Variants in BMPER observed in about 807,000 individuals in gnomAD.
BMPER encodes the protein BMP-binding endothelial regulator protein.
Under a neutral mutation model 87.3 loss-of-function variants are expected in BMPER, and 45 were observed. The ratio of observed to expected loss-of-function variants is 0.52; its 90% confidence interval spans 0.41 to 0.66. The LOEUF is 0.66. Among genes scored for constraint, BMPER ranks in the 30% least tolerant of loss-of-function variants. The pLI is 0.00. For synonymous variants in BMPER, 326 were observed against 316.2 expected, an observed-to-expected ratio of 1.03 and a Z score of -0.33; for missense variants, 784 against 867.5, an observed-to-expected ratio of 0.90 and a Z score of 1.21.
At chr7:33,994,301 G>C (rs529624105) in intron 6 of BMPER, among the ~76,000 whole-genome samples, 6 of 152,232 alleles carry the variant, frequency 3.9e-5, no homozygotes, top group African/African-American at 1.4e-4. Flanking sequence ...CTCCGAGCCA[G>C]GTGCGGGATA....
At chr7:34,027,118 G>A (rs1787378270) in intron 6 of BMPER, among the ~76,000 whole-genome samples, 1 of 152,128 alleles carries the variant, frequency 6.6e-6, no homozygotes. Flanking sequence ...GCATGAGGTA[G>A]ATTTCAAGAA....
chr7:33,906,804 C>T lies in BMPER; in HGVS notation c.134-14C>T, dbSNP rs970266382. 5 of 1,606,310 alleles carry T rather than the reference C, an allele frequency of 3.1e-6. No homozygotes were observed. Among genetic ancestry groups the T allele is most frequent in the Non-Finnish European group, 3.4e-6 (4 of 1,173,304 alleles). ...CTAACTTTAAATGAAACATTTTTCCCCCCTGAATTTCAGGTTCTGTTGCAA... is the reference window on the plus strand; with the variant it reads ...CTAACTTTAAATGAAACATTTTTCCTCCCTGAATTTCAGGTTCTGTTGCAA... On this transcript the variant is annotated splice_polypyrimidine_tract_variant and intron_variant, in intron 1 of 14. Coordinates refer to ENST00000649409, the MANE Select transcript of BMPER (RefSeq NM_001365308.1).
intron 3 of BMPER, 146 bp downstream of exon 3, chr7:33,937,534 G>GTGTGTGTGTA: frequency 1.4e-6 from 1 of 735,320 alleles, no homozygotes; most frequent in Non-Finnish European, 2.3e-6. Flanking sequence ...GTGTGTGTGT[G>GTGTGTGTGTA]TGTATGTGTG....
intron 14 of BMPER, among the ~76,000 whole-genome samples, chr7:34,149,936 G>T (rs976342335): frequency 1.3e-5 from 2 of 152,170 alleles, no homozygotes; most frequent in Non-Finnish European, 2.9e-5. Flanking sequence ...AAATCTGATA[G>T]TTTAGGGAAT....
At chr7:33,939,953 G>T in intron 3 of BMPER, 1 of 311,264 alleles carries the variant, frequency 3.2e-6, no homozygotes, top group South Asian at 2.8e-5. Flanking sequence ...GTAATACAGT[G>T]CTTGTCTCAA....
chr7:33,977,655 T>G (rs902865568), intron 6 of BMPER, among the ~76,000 whole-genome samples: 29 of 152,078 alleles, frequency 1.9e-4, no homozygotes, highest in Non-Finnish European at 3.4e-4. Flanking sequence ...AAGATATATA[T>G]AGAGAGAAAT....
chr7:34,124,828 T>C (rs1790359291), intron 13 of BMPER, among the ~76,000 whole-genome samples: 1 of 152,180 alleles, frequency 6.6e-6, no homozygotes, highest in Non-Finnish European at 1.5e-5. Context: ...AGAAACATTC[T>C]TTTGCTTTAG....
chr7:33,975,805 G>A (rs190654788), intron 6 of BMPER, among the ~76,000 whole-genome samples: 1 of 152,226 alleles, frequency 6.6e-6, no homozygotes, highest in East Asian at 1.9e-4. Flanking sequence ...ATAAACCATA[G>A]CATTTGTCAT....
intron 9 of BMPER, 118 bp downstream of exon 9, chr7:34,055,421 A>G (rs1204866078): frequency 8.0e-7 from 1 of 1,249,224 alleles, no homozygotes; most frequent in Admixed American, 1.7e-5. Context: ...ACAAATGTAT[A>G]TGTGTGCATA....
intron 11 of BMPER, among the ~76,000 whole-genome samples, chr7:34,062,578 G>A (rs745627038): frequency 3.8e-4 from 58 of 151,974 alleles, no homozygotes; most frequent in Non-Finnish European, 6.2e-4. Context: ...ATAGTCATGG[G>A]TCACTTAACA....
intron 3 of BMPER, among the ~76,000 whole-genome samples, chr7:33,957,886 T>C (rs2128615288): frequency 6.6e-6 from 1 of 152,338 alleles, no homozygotes; most frequent in South Asian, 2.1e-4. Flanking sequence ...TAATATGTTT[T>C]CTAAAGTATA....
chr7:34,081,236 A>G (rs539209181), intron 12 of BMPER, among the ~76,000 whole-genome samples: 34 of 152,280 alleles, frequency 2.2e-4, no homozygotes, highest in African/African-American at 7.0e-4. Context: ...CCCTTTAGGG[A>G]TATTATCTTT....
intron 6 of BMPER, among the ~76,000 whole-genome samples, chr7:33,994,558 G>A (rs953104345): frequency 2.0e-5 from 3 of 152,206 alleles, no homozygotes; most frequent in Admixed American, 6.5e-5. Context: ...GCCTCAGATG[G>A]AAATGCAGAA....
intron 3 of BMPER, among the ~76,000 whole-genome samples, chr7:33,961,360 TA>T (rs999626914): frequency 6.7e-4 from 102 of 152,264 alleles, no homozygotes; most frequent in African/African-American, 2.3e-3. Context: ...ATAAAAGGGC[TA>T]GGGGTGGGTG....
intron 3 of BMPER, among the ~76,000 whole-genome samples, chr7:33,951,311 G>T (rs1371837796): frequency 6.6e-6 from 1 of 152,136 alleles, no homozygotes; most frequent in Admixed American, 6.5e-5. Context: ...GCCTCCTGAA[G>T]TGCTGGGATA....
intron 6 of BMPER, among the ~76,000 whole-genome samples, chr7:34,016,797 A>G (rs536629151): frequency 6.6e-6 from 1 of 151,930 alleles, no homozygotes; most frequent in African/African-American, 2.4e-5. Context: ...TCCAACAGAA[A>G]AAACCTTTTT....
intron 6 of BMPER, among the ~76,000 whole-genome samples, chr7:33,998,482 T>C (rs955796164): frequency 1.3e-5 from 2 of 152,234 alleles, no homozygotes; most frequent in Non-Finnish European, 2.9e-5. Flanking sequence ...TCTTGAATGC[T>C]TTTCCTTCTT....
At chr7:34,073,376 G>A (rs1788785133) in intron 11 of BMPER, among the ~76,000 whole-genome samples, 2 of 152,168 alleles carry the variant, frequency 1.3e-5, no homozygotes, top group Admixed American at 6.5e-5. Context: ...AACCTGTACA[G>A]TACAAATACT....
chr7:33,947,324 T>C (rs986350612), intron 3 of BMPER, among the ~76,000 whole-genome samples: 9 of 152,216 alleles, frequency 5.9e-5, no homozygotes, highest in Non-Finnish European at 1.2e-4. Context: ...GTTTCAGACA[T>C]TTATAGGTCA....
Sources: allele counts gnomAD v4.1 joint callset (sites outside exome capture counted in the v4.1 genomes callset), GRCh38; gene constraint gnomAD v4.1.1; transcripts MANE v1.5; gene names NCBI Gene and HGNC (gene_info 2026-07-23, HGNC 2026-07-21).